The following TMEM108 variants were observed in gnomAD, a reference collection of about 807,000 sequenced individuals.
The protein encoded by TMEM108 is cancer/testis antigen 124.
In TMEM108, 12 loss-of-function variants were observed where a neutral mutation model predicts 35.1. The observed-to-expected ratio is 0.34, with a 90% confidence interval of 0.22 to 0.55. TMEM108 has a LOEUF of 0.55. Among genes scored for constraint, TMEM108 ranks in the 20% least tolerant of loss-of-function variants. The pLI is 0.89. For missense variants in TMEM108, 680 were observed against 753.3 expected, an observed-to-expected ratio of 0.90 and a Z score of 1.14; for synonymous variants, 287 against 308.6, an observed-to-expected ratio of 0.93 and a Z score of 0.73.
chr3:133,100,009 C>G (rs11926421), intron 2 of TMEM108, among the ~76,000 whole-genome samples: 2 of 152,230 alleles, frequency 1.3e-5, no homozygotes, highest in African/African-American at 4.8e-5. Context: ...TTCATTTTAA[C>G]GCTGCTGATA....
At chr3:133,196,180 G>C (rs1945574001) in intron 2 of TMEM108, among the ~76,000 whole-genome samples, 1 of 152,148 alleles carries the variant, frequency 6.6e-6, no homozygotes, top group Non-Finnish European at 1.5e-5. Context: ...AATTGGAGCA[G>C]CAAGGAAATT....
At chr3:133,083,170 G>GCC (rs201976584) in intron 2 of TMEM108, among the ~76,000 whole-genome samples, 3 of 136,298 alleles carry the variant, frequency 2.2e-5, no homozygotes, top group African/African-American at 5.5e-5. Flanking sequence ...TACTTGGAAA[G>GCC]CCCCCCCCCA....
chr3:133,113,833 C>T (rs2107727193), intron 2 of TMEM108, among the ~76,000 whole-genome samples: 1 of 152,212 alleles, frequency 6.6e-6, no homozygotes, highest in South Asian at 2.1e-4. Context: ...TTCTGGGTCC[C>T]AAGGCAGTTC....
chr3:133,129,017 C>T (rs951064981), intron 2 of TMEM108, among the ~76,000 whole-genome samples: 2 of 152,094 alleles, frequency 1.3e-5, no homozygotes, highest in African/African-American at 4.8e-5. Flanking sequence ...GGTCAGATAC[C>T]TCTCTGGCAT....
chr3:133,203,718 C>T (rs536340295), intron 2 of TMEM108, among the ~76,000 whole-genome samples: 7 of 152,086 alleles, frequency 4.6e-5, no homozygotes, highest in South Asian at 2.1e-4. Flanking sequence ...TGAGGATTTT[C>T]GCGTTGACCT....
intron 2 of TMEM108, among the ~76,000 whole-genome samples, chr3:133,082,516 G>C (rs998445718): frequency 4.6e-5 from 7 of 152,106 alleles, no homozygotes; most frequent in African/African-American, 1.7e-4. Context: ...GATTTGACTT[G>C]GACGCTTCTG....
chr3:133,073,344 T>C (rs1943697901), intron 2 of TMEM108, among the ~76,000 whole-genome samples: 1 of 151,808 alleles, frequency 6.6e-6, no homozygotes, highest in Admixed American at 6.6e-5. Flanking sequence ...CCTCTTTTAT[T>C]ATAGATTCCA....
chr3:133,052,659 A>C (rs1392734029), intron 2 of TMEM108, among the ~76,000 whole-genome samples: 1 of 151,310 alleles, frequency 6.6e-6, no homozygotes, highest in Non-Finnish European at 1.5e-5. Context: ...TAGATTTTTA[A>C]AATGTTCTTT....
intron 2 of TMEM108, among the ~76,000 whole-genome samples, chr3:133,116,593 C>G (rs1342094934): frequency 6.6e-6 from 1 of 152,092 alleles, no homozygotes; most frequent in Admixed American, 6.6e-5. Context: ...TGCCTTCCAA[C>G]TCGAAGACAC....
intron 2 of TMEM108, among the ~76,000 whole-genome samples, chr3:133,165,082 G>A (rs1003391267): frequency 3.9e-5 from 6 of 152,184 alleles, no homozygotes; most frequent in Non-Finnish European, 8.8e-5. Context: ...TCTCTTAGAA[G>A]CTATTCTTCT....
chr3:133,181,641 G>A (rs1184793102), intron 2 of TMEM108, among the ~76,000 whole-genome samples: 1 of 152,134 alleles, frequency 6.6e-6, no homozygotes, highest in Admixed American at 6.5e-5. Context: ...GGAACATATG[G>A]GGGGTTGTCA....
chr3:133,301,361 C>T (rs368394013), intron 3 of TMEM108, among the ~76,000 whole-genome samples: 2 of 152,050 alleles, frequency 1.3e-5, no homozygotes, highest in Non-Finnish European at 2.9e-5. Flanking sequence ...GTTGTCTCGA[C>T]GCAGGAAAGT....
chr3:133,189,153 T>C (rs1945463243), intron 2 of TMEM108, among the ~76,000 whole-genome samples: 1 of 152,262 alleles, frequency 6.6e-6, no homozygotes, highest in South Asian at 2.1e-4. Flanking sequence ...TTACTACCTG[T>C]ACTTGCATAT....
intron 2 of TMEM108, among the ~76,000 whole-genome samples, chr3:133,067,239 C>G (rs1943619006): frequency 6.6e-6 from 1 of 152,154 alleles, no homozygotes; most frequent in African/African-American, 2.4e-5. Flanking sequence ...GAGATTTCTG[C>G]TCCCACTAGT....
chr3:133,382,784 C>T (rs1412918497), intron 4 of TMEM108, among the ~76,000 whole-genome samples: 1 of 152,190 alleles, frequency 6.6e-6, no homozygotes, highest in African/African-American at 2.4e-5. Flanking sequence ...CCATGATTTC[C>T]ACTTGGCCTT....
chr3:133,382,478 G>A (rs1477722363), intron 4 of TMEM108, among the ~76,000 whole-genome samples: 1 of 152,216 alleles, frequency 6.6e-6, no homozygotes, highest in South Asian at 2.1e-4. Flanking sequence ...TCTCCCATCT[G>A]CCCCCTCTGG....
chr3:133,134,777 C>G (rs1944540996), intron 2 of TMEM108, among the ~76,000 whole-genome samples: 1 of 152,002 alleles, frequency 6.6e-6, no homozygotes, highest in Non-Finnish European at 1.5e-5. Context: ...CACCCCCATC[C>G]CAACCTCCCC....
intron 3 of TMEM108, among the ~76,000 whole-genome samples, chr3:133,314,566 A>G (rs1220280216): frequency 6.6e-6 from 1 of 152,354 alleles, no homozygotes; most frequent in South Asian, 2.1e-4. Context: ...TTTTGCCTCT[A>G]AAGTCTAAGT....
intron 2 of TMEM108, among the ~76,000 whole-genome samples, chr3:133,113,660 C>T (rs989102539): frequency 6.6e-6 from 1 of 152,104 alleles, no homozygotes; most frequent in Non-Finnish European, 1.5e-5. Flanking sequence ...GATGACATGT[C>T]CTCACCTCAA....
Sources: allele counts gnomAD v4.1 joint callset (sites outside exome capture counted in the v4.1 genomes callset), GRCh38; gene constraint gnomAD v4.1.1; transcripts MANE v1.5; gene names NCBI Gene and HGNC (gene_info 2026-07-23, HGNC 2026-07-21).